The following PREX2 variants were observed in gnomAD, a reference collection of about 807,000 sequenced individuals.
PREX2 encodes the protein phosphatidylinositol 3,4,5-trisphosphate-dependent Rac exchanger 2 protein.
A neutral mutation model predicts 203.2 loss-of-function variants in PREX2; 107 were observed. The observed-to-expected ratio is 0.53, with a 90% CI of 0.45 to 0.62. The LOEUF (loss-of-function observed/expected upper bound fraction) is 0.62. Ranked by LOEUF, PREX2 falls within the 20% of genes least tolerant of loss-of-function variation. The pLI is 0.00. For synonymous variants in PREX2, 672 were observed against 663.6 expected (o/e 1.01, Z -0.19); for missense variants, 1,777 against 1,955.9 (o/e 0.91, Z 1.72).
chr8:68,073,389 T>C (rs1809254606), intron 14 of PREX2, among the ~76,000 whole-genome samples: 1 of 152,034 alleles, frequency 6.6e-6, no homozygotes. Context: ...CTTTACTTTT[T>C]CTTAAGGGTG....
intron 25 of PREX2, among the ~76,000 whole-genome samples, chr8:68,111,634 G>T (rs766873747): frequency 1.3e-5 from 2 of 152,144 alleles, no homozygotes; most frequent in Admixed American, 6.5e-5. Context: ...CACACAGTGA[G>T]CAAATGATTG....
intron 1 of PREX2, among the ~76,000 whole-genome samples, chr8:68,000,181 C>G (rs1402416724): frequency 1.3e-5 from 2 of 152,146 alleles, no homozygotes; most frequent in African/African-American, 4.8e-5. Context: ...ATGACATGAT[C>G]CTATATCTAT....
At position 68,231,611 on chromosome 8, in the gene PREX2, C is replaced by G; in HGVS notation, c.*233C>G. 5.3e-6 allele frequency: 2 copies of G among 379,230 alleles called. No individual in the cohort carries two copies. Among genetic ancestry groups the G allele is most frequent in the Non-Finnish European group, 9.3e-6 (2 of 214,810 alleles). The allele number at this position is 379,230 out of a possible 1,614,324, so 23.5% of individuals were successfully genotyped here. A position where few individuals can be genotyped will look rare whatever the true frequency, so the allele number is the denominator to read the frequency against. On this transcript the variant is annotated 3_prime_UTR_variant, in exon 40 of 40. Transcript: ENST00000288368. ...TTCAGCTTCACGAACTGATGTCTCT[C>G]TGTATTGACATTAAGTATTCACTTT...
At chr8:68,154,171 C>A (rs985505237) in intron 34 of PREX2, among the ~76,000 whole-genome samples, 2 of 152,138 alleles carry the variant, frequency 1.3e-5, no homozygotes, top group African/African-American at 4.8e-5. Flanking sequence ...TTGCATGGAC[C>A]CTTCTCTTAG....
chr8:67,992,000 G>A (rs6995925), intron 1 of PREX2, among the ~76,000 whole-genome samples: 73,383 of 152,078 alleles, frequency 0.48, 18,076 homozygotes, highest in South Asian at 0.61. Context: ...GTTCACGTGA[G>A]CTCTAGTCAG....
At chr8:68,113,373 C>CGTTT (rs112983739) in intron 25 of PREX2, among the ~76,000 whole-genome samples, 1 of 152,182 alleles carries the variant, frequency 6.6e-6, no homozygotes, top group Non-Finnish European at 1.5e-5. Flanking sequence ...AGAACTCCTG[C>CGTTT]ATTTTTTCCC....
At chr8:68,051,951 G>T (rs1440611869) in intron 8 of PREX2, among the ~76,000 whole-genome samples, 1 of 152,158 alleles carries the variant, frequency 6.6e-6, no homozygotes, top group Admixed American at 6.5e-5. Context: ...TAATGGATTT[G>T]TGGTATTATT....
chr8:67,980,847 C>T (rs1021871074), intron 1 of PREX2, among the ~76,000 whole-genome samples: 2 of 152,214 alleles, frequency 1.3e-5, no homozygotes, highest in African/African-American at 4.8e-5. Flanking sequence ...CCTGAGGCCT[C>T]CTCAGCCATG....
chr8:68,097,417 C>T (rs1470837933), intron 22 of PREX2, among the ~76,000 whole-genome samples: 2 of 151,950 alleles, frequency 1.3e-5, no homozygotes, highest in African/African-American at 2.4e-5. Context: ...ATCTGCCTCC[C>T]GGGTTCAAGC....
intron 35 of PREX2, among the ~76,000 whole-genome samples, chr8:68,157,763 T>C (rs747593989): frequency 6.6e-6 from 1 of 151,998 alleles, no homozygotes; most frequent in East Asian, 1.9e-4. Context: ...ATAAGATTTA[T>C]TGGATTAAGG....
intron 34 of PREX2, among the ~76,000 whole-genome samples, chr8:68,150,110 G>A (rs949541911): frequency 8.5e-5 from 13 of 152,142 alleles, no homozygotes; most frequent in Admixed American, 2.0e-4. Flanking sequence ...CACAGCAGCC[G>A]GGCAATGAGC....
chr8:68,214,431 G>T (rs937905273), intron 37 of PREX2, among the ~76,000 whole-genome samples: 1 of 152,116 alleles, frequency 6.6e-6, no homozygotes, highest in Admixed American at 6.5e-5. Flanking sequence ...TTGAATGAGG[G>T]TTCCTGGCCT....
At chr8:68,227,755 A>G (rs1157277823) in intron 39 of PREX2, among the ~76,000 whole-genome samples, 1 of 152,230 alleles carries the variant, frequency 6.6e-6, no homozygotes, top group East Asian at 1.9e-4. Flanking sequence ...GCAATCAGCC[A>G]TAGTCACACT....
chr8:68,105,060 A>G (rs1810367056), intron 23 of PREX2: 2 of 1,120,308 alleles, frequency 1.8e-6, no homozygotes, highest in Admixed American at 4.1e-5. Context: ...ATTGATGTTT[A>G]CAGGGCCATT....
intron 37 of PREX2, among the ~76,000 whole-genome samples, chr8:68,209,770 A>G (rs912789510): frequency 6.6e-6 from 1 of 152,218 alleles, no homozygotes. Context: ...ACTAACCTCG[A>G]TAAGAATGCA....
chr8:68,036,467 C>G (rs1224367826), intron 6 of PREX2, among the ~76,000 whole-genome samples: 1 of 151,962 alleles, frequency 6.6e-6, no homozygotes, highest in Non-Finnish European at 1.5e-5. Context: ...ACTTATCATC[C>G]AGGGTTGGCT....
chr8:68,150,302 C>T (rs1483869196), intron 34 of PREX2, among the ~76,000 whole-genome samples: 2 of 152,050 alleles, frequency 1.3e-5, no homozygotes, highest in Admixed American at 6.5e-5. Context: ...TAAAAGGATT[C>T]GCTATAGCCC....
chr8:68,000,673 G>A (rs950866595), intron 1 of PREX2, among the ~76,000 whole-genome samples: 20 of 152,140 alleles, frequency 1.3e-4, no homozygotes, highest in African/African-American at 1.7e-4. Flanking sequence ...AAAGCTGGAC[G>A]CATCACAGTT....
At chr8:67,958,478 A>T (rs1805548044) in intron 1 of PREX2, among the ~76,000 whole-genome samples, 1 of 152,232 alleles carries the variant, frequency 6.6e-6, no homozygotes, top group South Asian at 2.1e-4. Context: ...TTACTTTAAT[A>T]TAAAAATAGT....
Sources: gnomAD v4.1 joint callset for allele counts (sites outside exome capture counted in the v4.1 genomes callset) on GRCh38, gnomAD v4.1.1 for gene constraint, MANE v1.5 for transcripts, NCBI Gene and HGNC (gene_info 2026-07-23, HGNC 2026-07-21) for gene names.